NDEL1: variants seen among roughly 807,000 people sequenced by gnomAD.
NDEL1 encodes nudE neurodevelopment protein 1 like 1.
NDEL1 carries 9 observed loss-of-function variants against 45.7 expected under a neutral mutation model. The ratio of observed to expected loss-of-function variants is 0.20; its 90% CI spans 0.12 to 0.34. NDEL1 has a LOEUF of 0.34. Ranked by LOEUF, NDEL1 falls within the 10% of genes least tolerant of loss-of-function variation. The pLI is 1.00. For synonymous variants in NDEL1, 133 were observed against 158.6 expected, an observed-to-expected ratio of 0.84 and a Z score of 1.21; for missense variants, 306 against 406.2, an observed-to-expected ratio of 0.75 and a Z score of 2.12.
At chr17:8,456,492 CTTTTTTTTTTTTTT>C (rs57327945) in intron 7 of NDEL1, among the ~76,000 whole-genome samples, 1 of 82,812 alleles carries the variant, frequency 1.2e-5, no homozygotes, top group Non-Finnish European at 2.4e-5. Flanking sequence ...TAGGTTATAT[CTTTTTTTTTTTTTT>C]TTTTTTTTTG....
At chr17:8,433,024 C>T (rs1909056121), upstream of NDEL1, among the ~76,000 whole-genome samples, 1 of 151,920 alleles carries the variant, frequency 6.6e-6, no homozygotes, top group African/African-American at 2.4e-5. Flanking sequence ...GGACTACTTC[C>T]ATCTCTTGGT....
chr17:8,474,232 T>C (rs1224928339), intron 3 of NDEL1: 1 of 152,664 alleles, frequency 6.6e-6, no homozygotes, highest in Non-Finnish European at 1.5e-5. Context: ...TATTCTTGTT[T>C]ATTGAGGTCT....
chr17:8,467,350 C>T lies in NDEL1; in HGVS notation c.*327C>T, dbSNP rs1911667876. The T allele has an allele frequency of 1.9e-6, 1 of 538,614 alleles. No homozygotes were observed. The highest frequency in any genetic ancestry group is 3.1e-5 in the East Asian group (1 of 31,988). 33.4% of individuals were successfully genotyped at this position (538,614 alleles called of 1,614,324 possible). On this transcript the variant is annotated 3_prime_UTR_variant, in exon 9 of 9. Transcript: ENST00000334527. The surrounding 1 kb of genome is among the most constrained non-coding windows in gnomAD (Gnocchi z 6.3). ...TTCATCACACCTGCCCCATAGCCCC[C>T]ACTCTGCTGTACTGATAGGATTTAG...
At chr17:8,463,274 ATAGTAT>A in intron 8 of NDEL1, 1 of 1,522,676 alleles carries the variant, frequency 6.6e-7, no homozygotes, top group Non-Finnish European at 9.1e-7. Flanking sequence ...TGATGTGGAA[ATAGTAT>A]TCGTATTACT....
At chr17:8,441,898 G>A (rs1909758810) in intron 1 of NDEL1, among the ~76,000 whole-genome samples, 1 of 151,932 alleles carries the variant, frequency 6.6e-6, no homozygotes, top group African/African-American at 2.4e-5. Context: ...TAGCCCTCCT[G>A]ACCTTTTTTT....
chr17:8,434,139 T>C (rs1462914181), upstream of NDEL1, among the ~76,000 whole-genome samples: 1 of 152,236 alleles, frequency 6.6e-6, no homozygotes, highest in South Asian at 2.1e-4. Flanking sequence ...TTACATTGCG[T>C]GCCGCATGGA....
chr17:8,469,810 T>C (rs1911790999), downstream of NDEL1, among the ~76,000 whole-genome samples: 1 of 151,662 alleles, frequency 6.6e-6, no homozygotes, highest in Non-Finnish European at 1.5e-5. Flanking sequence ...TTCCAGCGAT[T>C]CTCCTGACTC....
chr17:8,420,047 T>C (rs1383422439), intron 1 of NDEL1, among the ~76,000 whole-genome samples: 1 of 152,230 alleles, frequency 6.6e-6, no homozygotes, highest in African/African-American at 2.4e-5. Flanking sequence ...CAGTCTCATG[T>C]GTCCTTGGGC....
rs141472023 is a variant in NDEL1 at position 8,419,895 on chromosome 17, A to G, written c.-13+6626A>G. Among the ~76,000 whole-genome samples the G allele has an allele frequency of 9.7e-3, 1,477 of 152,298 alleles. 17 individuals are homozygous for G. Among genetic ancestry groups the G allele is most frequent in the African/African-American group, 0.033 (1,374 of 41,556 alleles). On this transcript the variant is annotated intron_variant, in intron 1 of 4. Coordinates refer to the NDEL1 transcript ENST00000582812. ...AAACTGACGAGGGCCAGAAGCACCC[A>G]TGAAGGAGTGCAAGAAGGAATGAGG...
intron 1 of NDEL1, among the ~76,000 whole-genome samples, chr17:8,417,613 A>G (rs1261849300): frequency 6.6e-6 from 1 of 151,804 alleles, no homozygotes; most frequent in African/African-American, 2.4e-5. Flanking sequence ...AAATGGGGGG[A>G]CCAGTCCAAA....
At chr17:8,415,850 C>A (rs990357886) in intron 1 of NDEL1, among the ~76,000 whole-genome samples, 1 of 151,718 alleles carries the variant, frequency 6.6e-6, no homozygotes, top group African/African-American at 2.4e-5. Context: ...CAGGTTCAAG[C>A]GATTCTCCTG....
At chr17:8,460,926 A>G (rs1183629554) in intron 8 of NDEL1, among the ~76,000 whole-genome samples, 1 of 151,994 alleles carries the variant, frequency 6.6e-6, no homozygotes, top group Non-Finnish European at 1.5e-5. Context: ...ATTCTACCTC[A>G]ATTTACTTAT....
chr17:8,445,921 A>G lies in NDEL1; in HGVS notation c.240+57A>G, dbSNP rs1910052334. ...GTGTTGAGTTTTATTAAAATGAGAA[A>G]TATGTTTTTCAGGTGCTTAAGAGCA... On this transcript the variant is annotated intron_variant, in intron 3 of 8. Transcript: ENST00000334527. 46 of 1,360,200 alleles carry G rather than the reference A, an allele frequency of 3.4e-5. No individual in the cohort carries two copies. In the South Asian group the frequency reaches 4.6e-4, roughly 14 times the overall value. The allele number at this position is 1,360,200 out of a possible 1,614,324, so 84.3% of individuals were successfully genotyped here. A position where few individuals can be genotyped will look rare whatever the true frequency, so the allele number is the denominator to read the frequency against.
At chr17:8,450,019 A>G (rs1046525025) in intron 5 of NDEL1, among the ~76,000 whole-genome samples, 1 of 152,228 alleles carries the variant, frequency 6.6e-6, no homozygotes, top group Non-Finnish European at 1.5e-5. Context: ...GTGGCGGCTC[A>G]CGCCTGTAAT....
chr17:8,460,967 G>A (rs2090582400), intron 8 of NDEL1, among the ~76,000 whole-genome samples: 1 of 152,048 alleles, frequency 6.6e-6, no homozygotes, highest in Non-Finnish European at 1.5e-5. Context: ...GTAATACGTG[G>A]TTGTATGAGT....
chr17:8,436,233 C>T (rs1909327670), intron 1 of NDEL1, 188 bp downstream of exon 1: 1 of 201,528 alleles, frequency 5.0e-6, no homozygotes, highest in African/African-American at 2.4e-5. Context: ...CCTCCCTTCC[C>T]TGGTCCGATG....
At position 8,465,050 on chromosome 17, in the gene NDEL1, A is replaced by C. The variant is rs947764859; in HGVS notation, c.945-1880A>C. On this transcript the variant is annotated intron_variant, in intron 8 of 8. Transcript: ENST00000334527. This position sits in a 1 kb window ranked among gnomAD's most constrained non-coding sequence, Gnocchi z 4.9. ...GGGTTCCGGGCACTGTCTGCAGTAC[A>C]GGTTTAGGGGCTTGCCTGCCACTGT... is the stretch of plus-strand genomic sequence containing the variant. 1 of 152,238 alleles carries C rather than the reference A, an allele frequency of 6.6e-6. No homozygotes were observed. Among genetic ancestry groups the C allele is most frequent in the African/African-American group, 2.4e-5 (1 of 41,424 alleles). The allele number at this position is 152,238 out of a possible 1,614,324, so 9.4% of individuals were successfully genotyped here.
At chr17:8,436,143 T>G in intron 1 of NDEL1, 98 bp downstream of exon 1, 1 of 254,264 alleles carries the variant, frequency 3.9e-6, no homozygotes, top group South Asian at 3.2e-5. Flanking sequence ...GGGCCGTGTC[T>G]GAGGCTCCGC....
chr17:8,418,692 CTCTT>C (rs1264013347), intron 1 of NDEL1, among the ~76,000 whole-genome samples: 20 of 148,948 alleles, frequency 1.3e-4, no homozygotes, highest in African/African-American at 4.7e-4. Context: ...ATCTCTCTCT[CTCTT>C]TCTCTTTTCT....
Sources: allele counts gnomAD v4.1 joint callset (sites outside exome capture counted in the v4.1 genomes callset), GRCh38; gene constraint gnomAD v4.1.1; non-coding constraint Gnocchi (gnomAD v3.1); transcripts MANE v1.5; gene names NCBI Gene and HGNC (gene_info 2026-07-23, HGNC 2026-07-21).